The following BRCA1 variants were observed in gnomAD, a reference collection of about 807,000 sequenced individuals.
BRCA1 encodes the protein BRCA1 DNA repair associated.
In BRCA1, 140 loss-of-function variants were observed where a neutral mutation model predicts 173.7. That is an observed-to-expected ratio of 0.81 (90% CI 0.70 to 0.93). BRCA1 has a LOEUF of 0.93. BRCA1 is among the 40% of genes least tolerant of loss of function. The pLI is 0.00. For missense variants in BRCA1, 1,983 were observed against 2,172.5 expected (o/e 0.91, Z 1.73); for synonymous variants, 662 against 756.0 (o/e 0.88, Z 2.04).
chr17:43,072,567 ATTT>A (rs75947060), intron 14 of BRCA1, among the ~76,000 whole-genome samples: 1 of 138,702 alleles, frequency 7.2e-6, no homozygotes, highest in Non-Finnish European at 1.6e-5. Context: ...CTTCCAGCTG[ATTT>A]TTTTTTTTTT....
At chr17:43,138,460 TCTC>T in intron 1 of BRCA1, 1 of 601,952 alleles carries the variant, frequency 1.7e-6, no homozygotes, top group South Asian at 2.0e-5. Flanking sequence ...CTTAGCTAGG[TCTC>T]CACCATGTGA....
In BRCA1 at chr17:43,044,745, C is replaced by T. The variant is rs535563803; in HGVS notation, c.*933G>A. On this transcript the variant is annotated 3_prime_UTR_variant, in exon 23 of 23. Transcript: ENST00000357654. ...ATCTTCTGCTGTTTTAGAACACATT[C>T]TTTAGAAATCTAGCAAATATATCTC... 2.0e-6 allele frequency: 1 copy of T among 494,536 alleles called. No homozygotes were observed. The highest frequency in any genetic ancestry group is 1.9e-5 in the African/African-American group (1 of 51,338). The allele number at this position is 494,536 out of a possible 1,614,324, so 30.6% of individuals were successfully genotyped here.
At chr17:43,060,127 A>C (rs2051682812) in intron 18 of BRCA1, among the ~76,000 whole-genome samples, 1 of 151,406 alleles carries the variant, frequency 6.6e-6, no homozygotes. Flanking sequence ...CTGGAGTGCA[A>C]TGGTGCGATC....
rs542981338 is a variant in BRCA1, at chr17:43,072,117, G to T, written c.4676-879C>A. On this transcript the variant is annotated intron_variant, in intron 14 of 22. Coordinates refer to ENST00000357654, the MANE Select transcript of BRCA1 (RefSeq NM_007294.4). ...AGAATAAGAGTACAGGCCGGGTGCG[G>T]TGGCTCAGGCCTGTAATCCCAGCAC... is the stretch of plus-strand genomic sequence containing the variant. Among the ~76,000 whole-genome samples the T allele has an allele frequency of 5.8e-4, 88 of 152,164 alleles. 2 individuals carry two copies. Among genetic ancestry groups the T allele is most frequent in the African/African-American group, 2.0e-3 (84 of 41,444 alleles).
intron 1 of BRCA1, among the ~76,000 whole-genome samples, chr17:43,151,114 G>C (rs542727797): frequency 6.6e-6 from 1 of 152,174 alleles, no homozygotes; most frequent in African/African-American, 2.4e-5. Flanking sequence ...AGTGAAATTC[G>C]GGTATAAGGC....
intron 11 of BRCA1, among the ~76,000 whole-genome samples, chr17:43,085,104 T>C (rs2053175473): frequency 6.6e-6 from 1 of 152,224 alleles, no homozygotes; most frequent in Non-Finnish European, 1.5e-5. Flanking sequence ...GCTCCTTCAA[T>C]TAGCTCTAGC....
intron 1 of BRCA1, chr17:43,144,286 G>A: frequency 3.4e-6 from 1 of 290,572 alleles, no homozygotes; most frequent in South Asian, 2.8e-5. Flanking sequence ...TACCATGTCT[G>A]AATGAACATT....
At chr17:43,058,379 A>ACAC (rs1555577277) in intron 18 of BRCA1, among the ~76,000 whole-genome samples, 12 of 150,074 alleles carry the variant, frequency 8.0e-5, no homozygotes, top group East Asian at 3.9e-4. Context: ...GCTAAAAAAA[A>ACAC]ACACACACAC....
intron 3 of BRCA1, chr17:43,110,487 G>C (rs1162955306): frequency 5.1e-6 from 2 of 391,546 alleles, no homozygotes; most frequent in African/African-American, 4.2e-5. Flanking sequence ...TTGGGAGACT[G>C]AGGTGATAGG....
intron 18 of BRCA1, among the ~76,000 whole-genome samples, chr17:43,062,081 G>A (rs1307239434): frequency 6.6e-6 from 1 of 151,844 alleles, no homozygotes; most frequent in Non-Finnish European, 1.5e-5. Flanking sequence ...ATGTATATAT[G>A]CATATGCACA....
intron 5 of BRCA1, 32 bp from the exon 6 acceptor site, chr17:43,104,293 C>A (rs202171570): frequency 1.2e-6 from 2 of 1,600,068 alleles, no homozygotes; most frequent in Non-Finnish European, 1.7e-6. Context: ...ATTATGTTTG[C>A]AGTTAGAGAA....
At chr17:43,155,202 C>T (rs1394346913) in intron 1 of BRCA1, among the ~76,000 whole-genome samples, 1 of 152,144 alleles carries the variant, frequency 6.6e-6, no homozygotes, top group Non-Finnish European at 1.5e-5. Flanking sequence ...CAGAGTCTCA[C>T]TCTGTCACCC....
At chr17:43,064,125 C>T (rs1342406661) in intron 16 of BRCA1, among the ~76,000 whole-genome samples, 174 bp from the exon 17 acceptor site, 1 of 152,152 alleles carries the variant, frequency 6.6e-6, no homozygotes, top group African/African-American at 2.4e-5. Flanking sequence ...TTATAACCAG[C>T]AGGTATGGAT....
chr17:43,065,460 G>C (rs1304497747), intron 16 of BRCA1, among the ~76,000 whole-genome samples: 1 of 152,054 alleles, frequency 6.6e-6, no homozygotes, highest in African/African-American at 2.4e-5. Flanking sequence ...CCTGAGGTCG[G>C]GAGTCCAAGA....
At chr17:43,100,063 C>G (rs1481564658) in intron 6 of BRCA1, among the ~76,000 whole-genome samples, 183 bp from the exon 7 acceptor site, 1 of 152,188 alleles carries the variant, frequency 6.6e-6, no homozygotes, top group African/African-American at 2.4e-5. Context: ...GGAGCGGTAG[C>G]TCATGCCTAT....
intron 1 of BRCA1, among the ~76,000 whole-genome samples, chr17:43,155,295 G>A (rs546535728): frequency 4.6e-5 from 7 of 151,726 alleles, no homozygotes; most frequent in African/African-American, 1.5e-4. Context: ...TCAGCCTCCC[G>A]AGTAGCTGGG....
At chr17:43,104,323 A>T (rs1297110986) in intron 5 of BRCA1, 62 bp from the exon 6 acceptor site, 5 of 1,541,698 alleles carry the variant, frequency 3.2e-6, no homozygotes, top group Non-Finnish European at 4.5e-6. Flanking sequence ...AATTATAATC[A>T]AAGAAACCAA....
At chr17:43,158,289 C>G (rs1371518838) in intron 1 of BRCA1, among the ~76,000 whole-genome samples, 4 of 152,086 alleles carry the variant, frequency 2.6e-5, no homozygotes, top group African/African-American at 9.7e-5. Context: ...TGTGCTTTTT[C>G]AAAAGCAGTT....
intron 9 of BRCA1, among the ~76,000 whole-genome samples, chr17:43,095,462 G>C (rs998167511): frequency 6.6e-6 from 1 of 151,894 alleles, no homozygotes; most frequent in East Asian, 1.9e-4. Context: ...TGCGCCTGTA[G>C]TCCCAGCTAC....
Sources: gnomAD v4.1 joint callset for allele counts (sites outside exome capture counted in the v4.1 genomes callset) on GRCh38, gnomAD v4.1.1 for gene constraint, MANE v1.5 for transcripts, NCBI Gene and HGNC (gene_info 2026-07-23, HGNC 2026-07-21) for gene names.